Variants in NUP210L observed in about 807,000 individuals in gnomAD.
NUP210L encodes the protein nucleoporin 210 like.
NUP210L carries 74 observed loss-of-function variants against 208.5 expected under a neutral mutation model. The observed-to-expected ratio is 0.35, with a 90% CI of 0.29 to 0.43. NUP210L has a LOEUF of 0.43. NUP210L is among the 20% of genes least tolerant of loss of function. The pLI, the probability that NUP210L is intolerant of heterozygous loss-of-function variation, is 1.00. For synonymous variants in NUP210L, 780 were observed against 816.9 expected, an observed-to-expected ratio of 0.95 and a Z score of 0.77; for missense variants, 1,843 against 2,289.4, an observed-to-expected ratio of 0.81 and a Z score of 3.98.
At chr1:154,046,545 C>G (rs752933701) in intron 25 of NUP210L, among the ~76,000 whole-genome samples, 176 bp from the exon 26 acceptor site, 3 of 152,044 alleles carry the variant, frequency 2.0e-5, no homozygotes, top group Non-Finnish European at 4.4e-5. Flanking sequence ...AAGTGTCCAT[C>G]AACAAACAAA....
Position 154,136,565 on chromosome 1 carries a change from G to A in NUP210L, c.851-593C>T, listed in dbSNP as rs1422652452. ...AAACTAGTGAACTGAGTAGCAGGAGGGGTCATCATTAGTAAGAAAAAGATT... is the reference window on the plus strand; with the variant it reads ...AAACTAGTGAACTGAGTAGCAGGAGAGGTCATCATTAGTAAGAAAAAGATT... On this transcript the variant is annotated intron_variant, in intron 6 of 39. Transcript: ENST00000368559. Among the ~76,000 whole-genome samples, 5 of 151,956 alleles carry A rather than the reference G, an allele frequency of 3.3e-5. No homozygotes were observed. In the East Asian group the frequency reaches 9.7e-4, roughly 29 times the overall value.
intron 16 of NUP210L, among the ~76,000 whole-genome samples, chr1:154,088,750 G>A (rs1352046491): frequency 1.3e-5 from 2 of 152,024 alleles, no homozygotes; most frequent in Admixed American, 6.6e-5. Flanking sequence ...TAGGAGGCTC[G>A]GTTTTCTCAT....
At chr1:154,043,112 C>T (rs1408916710) in intron 27 of NUP210L, among the ~76,000 whole-genome samples, 21 of 136,942 alleles carry the variant, frequency 1.5e-4, no homozygotes, top group African/African-American at 5.2e-4. Context: ...TTCTGCCTCC[C>T]GGGTTCAAGG....
intron 28 of NUP210L, among the ~76,000 whole-genome samples, chr1:154,028,423 C>A (rs1368583525): frequency 6.6e-6 from 1 of 151,924 alleles, no homozygotes; most frequent in Non-Finnish European, 1.5e-5. Flanking sequence ...TCCATCTCTA[C>A]TAAAAATACA....
chr1:154,022,827 G>A (rs1322006602), intron 31 of NUP210L, among the ~76,000 whole-genome samples: 6 of 151,444 alleles, frequency 4.0e-5, no homozygotes, highest in African/African-American at 4.9e-5. Flanking sequence ...ACAGGCACAC[G>A]CTACCACACC....
chr1:154,091,854 A>T (rs1281567939), intron 15 of NUP210L, among the ~76,000 whole-genome samples: 1 of 151,788 alleles, frequency 6.6e-6, no homozygotes, highest in Non-Finnish European at 1.5e-5. Context: ...TACATATTTT[A>T]TATATACATA....
intron 15 of NUP210L, among the ~76,000 whole-genome samples, chr1:154,092,556 T>G (rs1459003972): frequency 5.3e-5 from 8 of 151,036 alleles, no homozygotes; most frequent in African/African-American, 9.7e-5. Context: ...TTTTGTTTTT[T>G]TTTTTTTTTT....
intron 7 of NUP210L, among the ~76,000 whole-genome samples, chr1:154,135,580 C>A (rs1328114994): frequency 1.3e-5 from 2 of 152,036 alleles, no homozygotes; most frequent in Admixed American, 1.3e-4. Flanking sequence ...CGCCACCACG[C>A]CTGGCTAATT....
At chr1:154,112,576 T>C (rs1234826590) in intron 12 of NUP210L, among the ~76,000 whole-genome samples, 5 of 152,000 alleles carry the variant, frequency 3.3e-5, no homozygotes, top group Admixed American at 1.3e-4. Flanking sequence ...TATATACACC[T>C]ACCACGTACA....
intron 12 of NUP210L, among the ~76,000 whole-genome samples, chr1:154,114,286 T>G (rs954293372): frequency 7.2e-5 from 11 of 152,160 alleles, no homozygotes; most frequent in Admixed American, 2.0e-4. Context: ...AAACCCCATC[T>G]CAAAAAAATT....
chr1:154,082,901 A>G (rs1188345347), intron 16 of NUP210L, among the ~76,000 whole-genome samples: 1 of 152,114 alleles, frequency 6.6e-6, no homozygotes, highest in Non-Finnish European at 1.5e-5. Flanking sequence ...GTAAAGCTGC[A>G]GACCTTCACA....
At chr1:154,045,060 C>T (rs1306854201) in intron 27 of NUP210L, among the ~76,000 whole-genome samples, 1 of 152,104 alleles carries the variant, frequency 6.6e-6, no homozygotes, top group Admixed American at 6.6e-5. Context: ...GCCAATACCA[C>T]CAGATACCAA....
At chr1:154,052,177 G>A (rs571522504) in intron 25 of NUP210L, among the ~76,000 whole-genome samples, 20 of 152,338 alleles carry the variant, frequency 1.3e-4, no homozygotes, top group East Asian at 5.8e-4. Context: ...GTTTGGTAGT[G>A]AGATCCGTTA....
At chr1:154,057,059 G>T in intron 22 of NUP210L, 112 bp from the exon 23 acceptor site, 2 of 985,512 alleles carry the variant, frequency 2.0e-6, no homozygotes, top group Non-Finnish European at 3.0e-6. Context: ...GCTCATTGCA[G>T]CCTCAACCTC....
chr1:154,133,933 T>TGAGGTCAGGAGTTC (rs1457584561), intron 7 of NUP210L, among the ~76,000 whole-genome samples: 4 of 151,878 alleles, frequency 2.6e-5, no homozygotes, highest in Non-Finnish European at 5.9e-5. Flanking sequence ...GTGGATCATC[T>TGAGGTCAGGAGTTC]GAGGTCAGGA....
intron 27 of NUP210L, among the ~76,000 whole-genome samples, chr1:154,035,760 G>C (rs974265294): frequency 6.8e-6 from 1 of 146,918 alleles, no homozygotes; most frequent in African/African-American, 2.5e-5. Flanking sequence ...GGGGGATGGA[G>C]TCTTACTTTG....
chr1:154,019,291 T>C (rs1651427572), intron 32 of NUP210L, among the ~76,000 whole-genome samples: 1 of 152,198 alleles, frequency 6.6e-6, no homozygotes, highest in Admixed American at 6.6e-5. Context: ...TTGGAGAATG[T>C]AACTGTTCTC....
At chr1:154,118,918 C>G in intron 10 of NUP210L, 110 bp from the exon 11 acceptor site, 3 of 537,862 alleles carry the variant, frequency 5.6e-6, no homozygotes, top group Non-Finnish European at 9.6e-6. Context: ...AATTACTCAA[C>G]CAGTTTCTAT....
rs373748234 is a variant in NUP210L at position 154,040,881 on chromosome 1, G to A, written c.3696+5188C>T. On this transcript the variant is annotated intron_variant, in intron 27 of 39. Coordinates refer to ENST00000368559, the Ensembl canonical transcript of NUP210L. ...GCTGGGATTACAGGCGTGAGCCACCGCGCCCAGCCAGATTCTTTCTTATGT... is the reference window on the plus strand; with the variant it reads ...GCTGGGATTACAGGCGTGAGCCACCACGCCCAGCCAGATTCTTTCTTATGT... Among the ~76,000 whole-genome samples the A allele has an allele frequency of 7.4e-4, 113 of 152,168 alleles. 1 individual carries two copies. The South Asian group carries it at 0.012, about 17-fold the overall frequency.
Sources: allele counts gnomAD v4.1 joint callset (sites outside exome capture counted in the v4.1 genomes callset), GRCh38; gene constraint gnomAD v4.1.1; transcripts MANE v1.5; gene names NCBI Gene and HGNC (gene_info 2026-07-23, HGNC 2026-07-21).